Variants in ZMYM5 observed in about 807,000 individuals in gnomAD.
The protein encoded by ZMYM5 is zinc finger MYM-type containing 5, also known as zinc finger MYM-type protein 5.
In ZMYM5, 41 loss-of-function variants were observed where a neutral mutation model predicts 61.8. The observed-to-expected ratio is 0.66, with a 90% CI of 0.52 to 0.86. The LOEUF (loss-of-function observed/expected upper bound fraction) is 0.86, where lower values mean the gene tolerates loss of function less well. Among genes scored for constraint, ZMYM5 ranks in the 40% least tolerant of loss-of-function variants. The probability of loss-of-function intolerance (pLI) is 0.00; values close to 1 mark genes in which losing one functional copy is unlikely to be tolerated. For synonymous variants in ZMYM5, 257 were observed against 276.4 expected (o/e 0.93, Z 0.70); for missense variants, 706 against 786.7 (o/e 0.90, Z 1.23).
chr13:19,857,331 G>A (rs968669369), intron 2 of ZMYM5, among the ~76,000 whole-genome samples: 13 of 152,098 alleles, frequency 8.5e-5, no homozygotes, highest in African/African-American at 2.2e-4. Context: ...TAAATTTAAC[G>A]GGATATTTAG....
At chr13:19,859,694 A>G (rs1033363002) in intron 2 of ZMYM5, among the ~76,000 whole-genome samples, 1 of 151,962 alleles carries the variant, frequency 6.6e-6, no homozygotes, top group African/African-American at 2.4e-5. Context: ...GGTGTGAGCT[A>G]CTGTGCCCGG....
rs183333190 is a variant in ZMYM5 at position 19,847,281 on chromosome 13, C to T, written c.586+4074G>A. 3.3e-3 allele frequency among the ~76,000 whole-genome samples: 507 copies of T among 152,224 alleles called. 2 individuals carry two copies. The highest frequency in any genetic ancestry group is 0.026 in the South Asian group (125 of 4,830). Reference sequence around the variant, plus strand: ...CTTAATTATACGGTTACAAATCCCACATTGTAACAACCTCGAAAACTACTA... The same window carrying T: ...CTTAATTATACGGTTACAAATCCCATATTGTAACAACCTCGAAAACTACTA... On this transcript the variant is annotated intron_variant, in intron 4 of 7. Coordinates refer to ENST00000337963, the MANE Select transcript of ZMYM5 (RefSeq NM_001142684.2).
At chr13:19,851,213 C>T (rs1412555894) in intron 4 of ZMYM5, 142 bp downstream of exon 4, 6 of 772,158 alleles carry the variant, frequency 7.8e-6, no homozygotes, top group Admixed American at 2.7e-5. Context: ...GAGCGAAACT[C>T]GGTCTCCAAA....
intron 7 of ZMYM5, 127 bp from the exon 8 acceptor site, chr13:19,825,362 C>A: frequency 1.1e-6 from 1 of 888,992 alleles, no homozygotes; most frequent in Non-Finnish European, 1.5e-6. Flanking sequence ...AAGACGACGA[C>A]GGTCGGGTGC....
intron 4 of ZMYM5, chr13:19,841,732 G>A (rs1307707381): frequency 6.6e-6 from 1 of 151,744 alleles, no homozygotes; most frequent in Non-Finnish European, 1.5e-5. Context: ...AAAGTATGTG[G>A]GAACTGGAGA....
chr13:19,860,791 G>A (rs7326266), intron 2 of ZMYM5, among the ~76,000 whole-genome samples: 1,838 of 149,684 alleles, frequency 0.012, 39 homozygotes, highest in African/African-American at 0.041. Context: ...GTGGCAAAAA[G>A]GAAAAATTCA....
chr13:19,855,233 CT>C (rs1438845272), intron 2 of ZMYM5, among the ~76,000 whole-genome samples: 1 of 151,668 alleles, frequency 6.6e-6, no homozygotes, highest in Non-Finnish European at 1.5e-5. Flanking sequence ...AAAATAATTT[CT>C]GGAAAAGAGT....
intron 4 of ZMYM5, chr13:19,841,914 T>TCGCACCA (rs1952891375): frequency 6.6e-6 from 1 of 152,200 alleles, no homozygotes; most frequent in African/African-American, 2.4e-5. Context: ...CCTCCTGGGT[T>TCGCACCA]TGCACCATTC....
chr13:19,855,294 G>A (rs988384811), intron 2 of ZMYM5, among the ~76,000 whole-genome samples: 1 of 150,852 alleles, frequency 6.6e-6, no homozygotes, highest in African/African-American at 2.4e-5. Context: ...ATGGAGTCTC[G>A]CTCTGTCGCC....
Position 19,852,813 on chromosome 13 carries a change from A to G in ZMYM5, c.-10-623T>C, listed in dbSNP as rs371210366. 5.3e-4 allele frequency among the ~76,000 whole-genome samples: 80 copies of G among 152,362 alleles called. 1 individual carries two copies. In the South Asian group the frequency reaches 0.016, roughly 30 times the overall value. ...AGGGAAGCTAACTAAATTGTTCCACATAACACTGGGAGTAAGACTTAAACT... is the reference window on the plus strand; with the variant it reads ...AGGGAAGCTAACTAAATTGTTCCACGTAACACTGGGAGTAAGACTTAAACT... On this transcript the variant is annotated intron_variant, in intron 2 of 7. Transcript: ENST00000337963.
chr13:19,845,175 T>G (rs1264864450), intron 4 of ZMYM5, among the ~76,000 whole-genome samples: 1 of 152,166 alleles, frequency 6.6e-6, no homozygotes, highest in African/African-American at 2.4e-5. Context: ...TTTAATATGA[T>G]CTAATAATAT....
intron 4 of ZMYM5, among the ~76,000 whole-genome samples, chr13:19,844,947 T>C (rs1390410497): frequency 6.6e-6 from 1 of 152,180 alleles, no homozygotes; most frequent in African/African-American, 2.4e-5. Context: ...GCAAGAAAAG[T>C]AACACAATTT....
At chr13:19,850,570 C>T (rs185986971) in intron 4 of ZMYM5, among the ~76,000 whole-genome samples, 133 of 152,050 alleles carry the variant, frequency 8.7e-4, no homozygotes, top group Admixed American at 3.2e-3. Context: ...CATTGCACTC[C>T]AGCCTGGGCA....
intron 7 of ZMYM5, among the ~76,000 whole-genome samples, chr13:19,827,059 T>TA (rs1890950913): frequency 6.6e-6 from 1 of 152,202 alleles, no homozygotes; most frequent in South Asian, 2.1e-4. Context: ...GAAGATAGAC[T>TA]AACAGTTGCC....
chr13:19,827,960 A>G lies in ZMYM5; in HGVS notation c.1252-2725T>C, dbSNP rs1008127863. Reference sequence around the variant, plus strand: ...CATGAACCCGGGAGGCGGAGATTGCAGTGAGCCGAGATTGCGCCACTGCAC... The same window carrying G: ...CATGAACCCGGGAGGCGGAGATTGCGGTGAGCCGAGATTGCGCCACTGCAC... On this transcript the variant is annotated intron_variant, in intron 7 of 7. Coordinates refer to ENST00000337963, the MANE Select transcript of ZMYM5 (RefSeq NM_001142684.2). 1.4e-5 allele frequency among the ~76,000 whole-genome samples: 2 copies of G among 142,788 alleles called. 1 individual carries two copies. The highest frequency in any genetic ancestry group is 4.5e-4 in the South Asian group (2 of 4,452). 93.7% of individuals were successfully genotyped at this position (142,788 alleles called of 152,430 possible).
chr13:19,851,375 A>C lies in ZMYM5; in HGVS notation c.566T>G (p.Phe189Cys). 1 of 1,614,122 alleles carries C rather than the reference A, an allele frequency of 6.2e-7. No individual in the cohort carries two copies. The highest frequency in any genetic ancestry group is 8.5e-7 in the Non-Finnish European group (1 of 1,180,002). ...CTTACCAGGACTATGATGAGTTGCAAATTCTCCATTCTGAAATAAGTCTCC... is the reference window on the plus strand; with the variant it reads ...CTTACCAGGACTATGATGAGTTGCACATTCTCCATTCTGAAATAAGTCTCC... ...VAGDLFQNGE[F>C]ATHHSPDSWI... The change falls in exon 4 of 8, where the codon TTT (phenylalanine) becomes TGT (cysteine). Residue 189 changes from phenylalanine to cysteine, a missense_variant. Coordinates refer to ENST00000337963, the MANE Select transcript of ZMYM5 (RefSeq NM_001142684.2).
At chr13:19,860,005 G>A (rs1953670884) in intron 2 of ZMYM5, among the ~76,000 whole-genome samples, 1 of 142,248 alleles carries the variant, frequency 7.0e-6, no homozygotes, top group African/African-American at 2.6e-5. Flanking sequence ...TCAGGAGGCT[G>A]AGGCACAAGA....
chr13:19,838,439 G>A (rs1952746071), intron 5 of ZMYM5, among the ~76,000 whole-genome samples: 1 of 152,156 alleles, frequency 6.6e-6, no homozygotes, highest in Non-Finnish European at 1.5e-5. Flanking sequence ...TGTTAAGATG[G>A]GGGAGCAGGG....
At chr13:19,852,258 A>G (rs987506139) in intron 2 of ZMYM5, 68 bp from the exon 3 acceptor site, 4 of 1,425,668 alleles carry the variant, frequency 2.8e-6, no homozygotes, top group South Asian at 3.4e-5. Flanking sequence ...CTACAATAAA[A>G]TAGCACAAGC....
Sources: gnomAD v4.1 joint callset for allele counts (sites outside exome capture counted in the v4.1 genomes callset) on GRCh38, gnomAD v4.1.1 for gene constraint, MANE v1.5 for transcripts, NCBI Gene and HGNC (gene_info 2026-07-23, HGNC 2026-07-21) for gene names.